GPC5: variants seen among roughly 807,000 people sequenced by gnomAD.
The protein encoded by GPC5 is glypican-5.
GPC5 carries 47 observed loss-of-function variants against 53.9 expected under a neutral mutation model. The observed-to-expected ratio is 0.87, with a 90% CI of 0.69 to 1.11. The LOEUF is 1.11. GPC5 is among the 50% of genes most tolerant of loss of function. The pLI is 0.00. For synonymous variants in GPC5, 286 were observed against 263.3 expected (o/e 1.09, Z -0.84); for missense variants, 748 against 713.1 (o/e 1.05, Z -0.56).
At chr13:92,298,867 A>T (rs2139194745) in intron 7 of GPC5, among the ~76,000 whole-genome samples, 1 of 152,272 alleles carries the variant, frequency 6.6e-6, no homozygotes, top group Non-Finnish European at 1.5e-5. Flanking sequence ...TGCGGATGAG[A>T]TCATTATTTT....
chr13:91,931,011 C>T (rs1340968862), intron 6 of GPC5, among the ~76,000 whole-genome samples: 1 of 152,014 alleles, frequency 6.6e-6, no homozygotes, highest in South Asian at 2.1e-4. Flanking sequence ...TAAAATGGTG[C>T]AATTTCTATG....
At chr13:92,261,099 T>A (rs1441914969) in intron 7 of GPC5, among the ~76,000 whole-genome samples, 1 of 152,204 alleles carries the variant, frequency 6.6e-6, no homozygotes, top group African/African-American at 2.4e-5. Context: ...GCATCTTTCT[T>A]ATTTAAAATT....
chr13:92,792,051 T>A (rs1468756158), intron 7 of GPC5, among the ~76,000 whole-genome samples: 1 of 151,306 alleles, frequency 6.6e-6, no homozygotes, highest in African/African-American at 2.4e-5. Flanking sequence ...GGATGAAGAG[T>A]GATAAAGAGA....
chr13:92,220,260 A>AT (rs1491563002), intron 7 of GPC5, among the ~76,000 whole-genome samples: 2 of 150,916 alleles, frequency 1.3e-5, no homozygotes, highest in Non-Finnish European at 2.9e-5. Context: ...AAGAGAAAAG[A>AT]TAAAAAAAAA....
At chr13:92,865,094 G>A (rs776766771) in intron 7 of GPC5, among the ~76,000 whole-genome samples, 79 of 152,046 alleles carry the variant, frequency 5.2e-4, no homozygotes, top group Admixed American at 9.8e-4. Flanking sequence ...TAGGTATATC[G>A]TACTAAGGTA....
chr13:92,481,750 A>G (rs1019425991), intron 7 of GPC5, among the ~76,000 whole-genome samples: 12 of 152,108 alleles, frequency 7.9e-5, no homozygotes, highest in Non-Finnish European at 1.0e-4. Context: ...TGGAAAAAAA[A>G]ATCAAATTCT....
intron 2 of GPC5, among the ~76,000 whole-genome samples, chr13:91,466,946 C>G (rs1239667465): frequency 3.9e-5 from 6 of 152,090 alleles, no homozygotes; most frequent in Non-Finnish European, 4.4e-5. Context: ...GGGCACTGTA[C>G]CATTTTCAGG....
intron 2 of GPC5, among the ~76,000 whole-genome samples, chr13:91,548,179 G>C (rs927248758): frequency 6.6e-6 from 1 of 152,096 alleles, no homozygotes; most frequent in African/African-American, 2.4e-5. Flanking sequence ...CACTGTTTTT[G>C]TTTGCAAGTG....
At chr13:91,689,567 A>G (rs911127036) in intron 2 of GPC5, among the ~76,000 whole-genome samples, 7 of 151,092 alleles carry the variant, frequency 4.6e-5, no homozygotes, top group Admixed American at 3.3e-4. Context: ...TTGTACAAAA[A>G]TGTTTTCTTT....
intron 7 of GPC5, among the ~76,000 whole-genome samples, chr13:92,697,125 G>A (rs9523780): frequency 0.54 from 80,779 of 149,006 alleles, 22,771 homozygotes; most frequent in East Asian, 0.83. Context: ...TTGAAGTCAG[G>A]TAGCGTGATG....
At chr13:91,797,806 C>G (rs2989994) in intron 5 of GPC5, among the ~76,000 whole-genome samples, 54,615 of 151,936 alleles carry the variant, frequency 0.36, 11,135 homozygotes, top group African/African-American at 0.56. Flanking sequence ...GCTTGTGATA[C>G]CTTCGCTGGC....
At chr13:92,482,020 A>G (rs575218053) in intron 7 of GPC5, among the ~76,000 whole-genome samples, 1 of 152,166 alleles carries the variant, frequency 6.6e-6, no homozygotes, top group African/African-American at 2.4e-5. Context: ...AATCCCAGGT[A>G]CTTGGGAGGC....
chr13:92,721,548 G>A (rs1888508817), intron 7 of GPC5: 1 of 152,000 alleles, frequency 6.6e-6, no homozygotes, highest in Non-Finnish European at 1.5e-5. Flanking sequence ...ATCCCTTGCT[G>A]TCAGACAGTC....
At position 92,609,119 on chromosome 13, in the gene GPC5, A is replaced by C. The variant is rs144745864; in HGVS notation, c.1562-257163A>C. The stretch of plus-strand genomic sequence containing the variant: ...ATTCTGTGCATAAATCTGTGTTGTC[A>C]TACTACATTCTAGCTTATCGTTTGT... On this transcript the variant is annotated intron_variant, in intron 7 of 7. Transcript: ENST00000377067. Among the ~76,000 whole-genome samples the C allele has an allele frequency of 6.7e-3, 1,013 of 152,306 alleles. 13 individuals carry two copies. The highest frequency in any genetic ancestry group is 0.023 in the African/African-American group (936 of 41,558).
chr13:92,223,022 C>G (rs893888748), intron 7 of GPC5, among the ~76,000 whole-genome samples: 1 of 151,954 alleles, frequency 6.6e-6, no homozygotes, highest in East Asian at 1.9e-4. Context: ...TTTATGAGGA[C>G]TATAATCCCG....
At chr13:91,861,125 T>G (rs1178058470) in intron 5 of GPC5, among the ~76,000 whole-genome samples, 1 of 152,166 alleles carries the variant, frequency 6.6e-6, no homozygotes, top group Admixed American at 6.5e-5. Flanking sequence ...ACTTACTCTT[T>G]AACTCAGCAT....
chr13:91,406,373 A>G (rs1434213410), intron 1 of GPC5, among the ~76,000 whole-genome samples: 1 of 152,106 alleles, frequency 6.6e-6, no homozygotes, highest in Admixed American at 6.5e-5. Flanking sequence ...ATGTTATATA[A>G]ATGGGTTAAA....
intron 7 of GPC5, among the ~76,000 whole-genome samples, chr13:92,449,815 CAT>C (rs889089855): frequency 1.3e-5 from 2 of 152,004 alleles, no homozygotes; most frequent in African/African-American, 4.8e-5. Context: ...GCATATGTTT[CAT>C]ATGTTTTTAT....
At chr13:92,235,307 T>A (rs1385243920) in intron 7 of GPC5, among the ~76,000 whole-genome samples, 3 of 152,212 alleles carry the variant, frequency 2.0e-5, no homozygotes, top group African/African-American at 7.2e-5. Context: ...GGGCCACTGT[T>A]GACTCACTAA....
Sources: allele counts gnomAD v4.1 joint callset (sites outside exome capture counted in the v4.1 genomes callset), GRCh38; gene constraint gnomAD v4.1.1; transcripts MANE v1.5; gene names NCBI Gene and HGNC (gene_info 2026-07-23, HGNC 2026-07-21).